The following LRCH3 variants were observed in gnomAD, a reference collection of about 807,000 sequenced individuals.
The protein encoded by LRCH3 is leucine rich repeats and calponin homology domain containing 3.
Under a neutral mutation model 104.5 loss-of-function variants are expected in LRCH3, and 68 were observed. The observed-to-expected ratio is 0.65, with a 90% CI of 0.54 to 0.80. The LOEUF (loss-of-function observed/expected upper bound fraction) is 0.80, where lower values mean the gene tolerates loss of function less well. Ranked by LOEUF, LRCH3 falls within the 30% of genes least tolerant of loss-of-function variation. LRCH3 has a pLI of 0.00. For synonymous variants in LRCH3, 344 were observed against 361.3 expected, an observed-to-expected ratio of 0.95 and a Z score of 0.54; for missense variants, 951 against 953.9, an observed-to-expected ratio of 1.00 and a Z score of 0.04.
chr3:197,831,675 C>T (rs1171375278), intron 7 of LRCH3, among the ~76,000 whole-genome samples: 1 of 152,048 alleles, frequency 6.6e-6, no homozygotes, highest in Non-Finnish European at 1.5e-5. Flanking sequence ...CAGAGTCTTG[C>T]TCTTTCACCC....
chr3:197,791,535 G>A lies in LRCH3; in HGVS notation c.257G>A (p.Arg86Gln). Residue 86 changes from arginine to glutamine, a missense_variant, in exon 1 of 21, where the codon CGG becomes CAG. Coordinates refer to ENST00000425562, the MANE Select transcript of LRCH3 (RefSeq NM_001365715.1). Reference protein sequence around the residue: ...AANHDLTDTTRADLSRNRLSE... With the variant: ...AANHDLTDTTQADLSRNRLSE... ...AACCACGACCTGACGGACACCACCC[G>A]GGCGGGTGAGCGGGGCGGGGGGCGT... 1.3e-6 allele frequency: 2 copies of A among 1,581,296 alleles called. No homozygotes were observed. Among genetic ancestry groups the A allele is most frequent in the East Asian group, 2.4e-5 (1 of 41,974 alleles).
chr3:197,871,271 C>T (rs1712150303), intron 18 of LRCH3, 54 bp from the exon 19 acceptor site: 1 of 1,355,320 alleles, frequency 7.4e-7, no homozygotes, highest in Non-Finnish European at 1.1e-6. Context: ...TCCCTTATGT[C>T]CTATATGTCA....
rs183245077 is a variant in LRCH3, at chr3:197,880,008, C to T, written c.2209-3533C>T. The stretch of plus-strand genomic sequence containing the variant: ...TCACCCAGGCTGGAGTGCGGTGGCG[C>T]GATCTCGGCTCACTGCAAGCTCCGC... On this transcript the variant is annotated intron_variant, in intron 20 of 20. Transcript: ENST00000425562. 4.4e-3 allele frequency among the ~76,000 whole-genome samples: 650 copies of T among 148,548 alleles called. 7 individuals are homozygous for T. Among genetic ancestry groups the T allele is most frequent in the South Asian group, 0.035 (164 of 4,732 alleles).
chr3:197,809,244 G>C (rs1009047108), intron 1 of LRCH3, among the ~76,000 whole-genome samples: 1 of 151,848 alleles, frequency 6.6e-6, no homozygotes, highest in African/African-American at 2.4e-5. Context: ...GTTGCAGTGA[G>C]CCATGATTGT....
intron 1 of LRCH3, among the ~76,000 whole-genome samples, chr3:197,809,296 TAA>T (rs750411453): frequency 5.7e-5 from 8 of 141,188 alleles, no homozygotes; most frequent in Non-Finnish European, 6.2e-5. Context: ...AGACCCTGTC[TAA>T]AAAAAAAAAA....
rs1291361078 is a variant in LRCH3, at chr3:197,856,336, AT to A, written c.1644+1898del. 6.6e-6 allele frequency among the ~76,000 whole-genome samples: 1 copy of A among 152,022 alleles called. No individual in the cohort carries two copies. The highest frequency in any genetic ancestry group is 6.6e-5 in the Admixed American group (1 of 15,254). ...ATAGTGTATTACTGTTGTCACGGTA[AT>A]TTTTTTATCATGGTAGTTTTATTTG... On this transcript the variant is annotated intron_variant, in intron 14 of 20. Coordinates refer to ENST00000425562, the MANE Select transcript of LRCH3 (RefSeq NM_001365715.1). The surrounding 1 kb of genome is among the most constrained non-coding windows in gnomAD (Gnocchi z 4.2).
chr3:197,819,444 G>A (rs547232341), intron 3 of LRCH3, among the ~76,000 whole-genome samples: 142 of 151,812 alleles, frequency 9.4e-4, no homozygotes, highest in African/African-American at 3.3e-3. Context: ...GGCCGGGCAC[G>A]GTGGCTCATG....
chr3:197,818,112 C>T (rs760433084), intron 3 of LRCH3, among the ~76,000 whole-genome samples: 4 of 152,136 alleles, frequency 2.6e-5, no homozygotes, highest in Admixed American at 6.6e-5. Flanking sequence ...TGAGCCACCG[C>T]GCACGGCCCT....
At chr3:197,866,624 A>G (rs560464394) in intron 17 of LRCH3, among the ~76,000 whole-genome samples, 2 of 152,318 alleles carry the variant, frequency 1.3e-5, no homozygotes, top group Non-Finnish European at 2.9e-5. Flanking sequence ...CTGGTCCCCA[A>G]AGAAGTTACC....
intron 17 of LRCH3, 62 bp downstream of exon 17, chr3:197,866,281 TTAGA>T: frequency 8.8e-7 from 1 of 1,137,558 alleles, no homozygotes; most frequent in Non-Finnish European, 1.3e-6. Context: ...ACGCTAGCTG[TTAGA>T]TGGATGCTTT....
Position 197,871,956 on chromosome 3 carries a change from C to T in LRCH3, c.2130+494C>T, listed in dbSNP as rs1162675610. Among the ~76,000 whole-genome samples, 15 of 152,188 alleles carry T rather than the reference C, an allele frequency of 9.9e-5. No homozygotes were observed. In the South Asian group the frequency reaches 2.1e-3, roughly 21 times the overall value. On this transcript the variant is annotated intron_variant, in intron 19 of 20. Coordinates refer to ENST00000425562, the MANE Select transcript of LRCH3 (RefSeq NM_001365715.1). ...TAAGGCTAGAGACGTGAGCTGGGGCCGTGGTACAAAGGCCTTATGAACCGT... is the reference window on the plus strand; with the variant it reads ...TAAGGCTAGAGACGTGAGCTGGGGCTGTGGTACAAAGGCCTTATGAACCGT...
At chr3:197,847,763 TCAAAG>T in intron 11 of LRCH3, 104 bp from the exon 12 acceptor site, 2 of 842,822 alleles carry the variant, frequency 2.4e-6, no homozygotes, top group Non-Finnish European at 3.1e-6. Flanking sequence ...CTAGGTGACT[TCAAAG>T]CAAAAGTTGC....
Position 197,858,882 on chromosome 3 carries a change from T to C in LRCH3, c.1693T>C (p.Ser565Pro), listed in dbSNP as rs763497588. Residue 565 changes from serine to proline, a missense_variant, in exon 15 of 21, where the codon TCT (serine) becomes CCT (proline). By Grantham distance (74) the Ser-to-Pro change is moderately conservative. Coordinates refer to ENST00000425562, the MANE Select transcript of LRCH3 (RefSeq NM_001365715.1). ...GGGCTGTGCTGCTACCCTGCCTCAT[T>C]CTTCTGCCTTCACGCCTCTTAAGGT... ...QVGCAATLPH[S>P]SAFTPLKSDD... The C allele has an allele frequency of 1.9e-6, 3 of 1,613,842 alleles. No individual in the cohort carries two copies. The African/African-American group carries it at 4.0e-5, about 22-fold the overall frequency.
chr3:197,798,565 A>C (rs1468910457), intron 1 of LRCH3, among the ~76,000 whole-genome samples: 4 of 152,228 alleles, frequency 2.6e-5, no homozygotes, highest in Non-Finnish European at 5.9e-5. Context: ...ATGAGAATTA[A>C]AATTTTCAAG....
At chr3:197,867,255 C>T (rs761810610) in intron 17 of LRCH3, among the ~76,000 whole-genome samples, 4 of 151,818 alleles carry the variant, frequency 2.6e-5, no homozygotes, top group African/African-American at 4.8e-5. Flanking sequence ...CCAGTCTGGG[C>T]GGTAGAGTAA....
chr3:197,865,039 G>A (rs914692321), intron 15 of LRCH3, among the ~76,000 whole-genome samples: 2 of 152,098 alleles, frequency 1.3e-5, no homozygotes, highest in African/African-American at 2.4e-5. Context: ...GTCTCCCTCT[G>A]TCACCCAGGC....
intron 7 of LRCH3, 89 bp downstream of exon 7, chr3:197,830,952 T>C: frequency 8.9e-7 from 1 of 1,125,590 alleles, no homozygotes; most frequent in East Asian, 2.4e-5. Context: ...CTGGATTCAG[T>C]TTCTCACTAC....
At chr3:197,792,520 ACCTCAG>A (rs1445625097) in intron 1 of LRCH3, among the ~76,000 whole-genome samples, 66 of 130,306 alleles carry the variant, frequency 5.1e-4, no homozygotes, top group African/African-American at 1.8e-3. Context: ...TGATCCTCCC[ACCTCAG>A]CCTCCTGAGT....
chr3:197,812,536 G>T (rs573544490), intron 1 of LRCH3, among the ~76,000 whole-genome samples: 38 of 8,000 alleles, frequency 4.7e-3, no homozygotes, highest in Non-Finnish European at 0.012. Flanking sequence ...TTTTTAGGTG[G>T]AGTCTCACTC....
Sources: gnomAD v4.1 joint callset for allele counts (sites outside exome capture counted in the v4.1 genomes callset) on GRCh38, gnomAD v4.1.1 for gene constraint, Gnocchi (gnomAD v3.1) non-coding constraint, MANE v1.5 for transcripts, NCBI Gene and HGNC (gene_info 2026-07-23, HGNC 2026-07-21) for gene names.